FARP1: variants seen among roughly 807,000 people sequenced by gnomAD.
FARP1 encodes FERM, ARH/RhoGEF and pleckstrin domain protein 1, also known as FERM, ARHGEF and pleckstrin domain-containing protein 1.
FARP1 carries 52 observed loss-of-function variants against 128.8 expected under a neutral mutation model. That is an observed-to-expected ratio of 0.40 (90% CI 0.32 to 0.51). FARP1 has a LOEUF of 0.51. Ranked by LOEUF, FARP1 falls within the 20% of genes least tolerant of loss-of-function variation. The pLI, the probability that FARP1 is intolerant of heterozygous loss-of-function variation, is 0.45. For missense variants in FARP1, 1,333 were observed against 1,367.9 expected (o/e 0.97, Z 0.40); for synonymous variants, 580 against 551.8 (o/e 1.05, Z -0.72).
At chr13:98,253,938 A>G (rs1349625387) in intron 2 of FARP1, among the ~76,000 whole-genome samples, 2 of 152,194 alleles carry the variant, frequency 1.3e-5, no homozygotes, top group Non-Finnish European at 2.9e-5. Context: ...GGGGTTTGGA[A>G]CAAACTGATG....
chr13:98,404,026 C>CACCACT (rs3837540), intron 13 of FARP1: 19,519 of 154,886 alleles, frequency 0.13, 1,252 homozygotes, highest in African/African-American at 0.16. Context: ...CCATCACCAC[C>CACCACT]ACCACTGCTA....
At chr13:98,301,967 T>C (rs1181065090) in intron 2 of FARP1, among the ~76,000 whole-genome samples, 1 of 9,396 alleles carries the variant, frequency 1.1e-4, no homozygotes, top group Non-Finnish European at 3.5e-4. Context: ...TCATGATCAT[T>C]TTTTTTTTCC....
intron 1 of FARP1, among the ~76,000 whole-genome samples, chr13:98,181,631 T>TGAGAGAGAGAG (rs1490988641): frequency 1.0e-5 from 1 of 97,008 alleles, no homozygotes; most frequent in African/African-American, 4.5e-5. Flanking sequence ...TTTATTTATT[T>TGAGAGAGAGAG]ATTTATTTAT....
At chr13:98,373,533 G>GACACACACACACACACACACACACAC (rs58658962) in intron 5 of FARP1, among the ~76,000 whole-genome samples, 15 of 131,064 alleles carry the variant, frequency 1.1e-4, no homozygotes, top group Non-Finnish European at 1.6e-4. Context: ...CAGACAGACA[G>GACACACACACACACACACACACACAC]ACACACACAC....
At chr13:98,201,096 C>T (rs1879913140) in intron 1 of FARP1, among the ~76,000 whole-genome samples, 1 of 152,024 alleles carries the variant, frequency 6.6e-6, no homozygotes, top group Non-Finnish European at 1.5e-5. Flanking sequence ...CTATAATTTC[C>T]CTGCTGTATT....
rs1184314094 is a variant in FARP1, at chr13:98,326,854, C to G, written c.172-16908C>G. On this transcript the variant is annotated intron_variant, in intron 2 of 26. Transcript: ENST00000319562. ...TCCAATTCCTAGGCAAACCTCTGAA[C>G]TCATCTTCTTTTAGGGCATGTATAA... Among the ~76,000 whole-genome samples the G allele has an allele frequency of 2.0e-5, 3 of 152,308 alleles. No homozygotes were observed. The East Asian group carries it at 5.8e-4, about 29-fold the overall frequency.
intron 21 of FARP1, among the ~76,000 whole-genome samples, chr13:98,439,613 TCCC>T (rs971611294): frequency 1.3e-5 from 2 of 152,046 alleles, no homozygotes; most frequent in African/African-American, 4.8e-5. Context: ...CACCTCGTCC[TCCC>T]CCGAGTTGGT....
chr13:98,162,978 C>A (rs72653394), intron 1 of FARP1, among the ~76,000 whole-genome samples: 1 of 152,066 alleles, frequency 6.6e-6, no homozygotes, highest in African/African-American at 2.4e-5. Context: ...TGGATATATA[C>A]CCCCCAAAAT....
chr13:98,161,465 C>T (rs1226581326), intron 1 of FARP1, among the ~76,000 whole-genome samples: 3 of 152,068 alleles, frequency 2.0e-5, no homozygotes, highest in African/African-American at 7.2e-5. Flanking sequence ...GATCCGCCCG[C>T]CTCGGCCTTC....
At chr13:98,197,927 G>A (rs143303455) in intron 1 of FARP1, among the ~76,000 whole-genome samples, 2 of 152,016 alleles carry the variant, frequency 1.3e-5, no homozygotes, top group African/African-American at 2.4e-5. Flanking sequence ...GAGCCACCGC[G>A]CCCGGCCAAA....
chr13:98,246,021 C>G (rs940239152), intron 2 of FARP1, among the ~76,000 whole-genome samples: 1 of 151,268 alleles, frequency 6.6e-6, no homozygotes, highest in Admixed American at 6.6e-5. Context: ...AGGCAATCTG[C>G]CCCCCTCAGC....
chr13:98,217,494 T>C (rs1013048177), intron 2 of FARP1, among the ~76,000 whole-genome samples: 9 of 152,206 alleles, frequency 5.9e-5, no homozygotes, highest in African/African-American at 2.2e-4. Context: ...TTTCTCGTGT[T>C]GCTGTCTTGT....
intron 2 of FARP1, among the ~76,000 whole-genome samples, chr13:98,321,456 G>A (rs1886988570): frequency 1.3e-5 from 2 of 152,196 alleles, no homozygotes; most frequent in African/African-American, 4.8e-5. Context: ...TCAGGGAAAG[G>A]ACAAAAATCA....
At chr13:98,444,958 A>AGGAG (rs1892730343) in intron 24 of FARP1, among the ~76,000 whole-genome samples, 1 of 151,666 alleles carries the variant, frequency 6.6e-6, no homozygotes, top group African/African-American at 2.4e-5. Flanking sequence ...CCACTGGGGG[A>AGGAG]GGAGGATGGA....
At chr13:98,294,292 C>T (rs1220610626) in intron 2 of FARP1, among the ~76,000 whole-genome samples, 1 of 152,112 alleles carries the variant, frequency 6.6e-6, no homozygotes, top group Non-Finnish European at 1.5e-5. Context: ...TCAAGGAGGG[C>T]AGGTTATGGG....
At chr13:98,199,704 C>T (rs1485603420) in intron 1 of FARP1, among the ~76,000 whole-genome samples, 2 of 152,210 alleles carry the variant, frequency 1.3e-5, no homozygotes, top group Admixed American at 1.3e-4. Flanking sequence ...TGTGTTAAGT[C>T]GAGTGAGGTT....
chr13:98,288,335 T>TTCTGGAACTGACGGGAGCCTCTTGA (rs1885293911), intron 2 of FARP1, among the ~76,000 whole-genome samples: 1 of 152,196 alleles, frequency 6.6e-6, no homozygotes, highest in Non-Finnish European at 1.5e-5. Flanking sequence ...CATATGGCTA[T>TTCTGGAACTGACGGGAGCCTCTTGA]TCTGGAACTG....
intron 2 of FARP1, chr13:98,234,653 T>A (rs1201793962): frequency 3.9e-5 from 6 of 152,168 alleles, no homozygotes; most frequent in African/African-American, 1.2e-4. Flanking sequence ...ACCTGAAATA[T>A]GTTTGCTTGC....
intron 2 of FARP1, chr13:98,244,499 C>T (rs1882952564): frequency 1.9e-6 from 3 of 1,614,014 alleles, no homozygotes; most frequent in African/African-American, 2.7e-5. Context: ...AGATGGTGTC[C>T]TCATCCTCCT....
Sources: gnomAD v4.1 joint callset for allele counts (sites outside exome capture counted in the v4.1 genomes callset) on GRCh38, gnomAD v4.1.1 for gene constraint, MANE v1.5 for transcripts, NCBI Gene and HGNC (gene_info 2026-07-23, HGNC 2026-07-21) for gene names.